Variants in SLC43A2 observed in about 807,000 individuals in gnomAD.
SLC43A2 encodes solute carrier family 43 member 2.
Under a neutral mutation model 63.2 loss-of-function variants are expected in SLC43A2, and 38 were observed. The observed-to-expected ratio is 0.60, with a 90% CI of 0.46 to 0.79. SLC43A2 has a LOEUF of 0.79. Among genes scored for constraint, SLC43A2 ranks in the 30% least tolerant of loss-of-function variants. The pLI, the probability that SLC43A2 is intolerant of heterozygous loss-of-function variation, is 0.00. For missense variants in SLC43A2, 644 were observed against 756.2 expected (o/e 0.85, Z 1.74); for synonymous variants, 322 against 331.0 (o/e 0.97, Z 0.30).
chr17:1,576,104 G>A lies in SLC43A2; in HGVS notation c.1549-339C>T, dbSNP rs1166406534. 4.7e-5 allele frequency among the ~76,000 whole-genome samples: 6 copies of A among 128,502 alleles called. No individual in the cohort carries two copies. The East Asian group carries it at 9.2e-4, about 20-fold the overall frequency. 84.3% of individuals were successfully genotyped at this position (128,502 alleles called of 152,430 possible). ...TTTTTTTTTTTTTTTTTTTTGAGACGAAGTCTCGCGCTGTCGTCATTCAGG... is the reference window on the plus strand; with the variant it reads ...TTTTTTTTTTTTTTTTTTTTGAGACAAAGTCTCGCGCTGTCGTCATTCAGG... On this transcript the variant is annotated intron_variant, in intron 13 of 13. Coordinates refer to ENST00000301335, the MANE Select transcript of SLC43A2 (RefSeq NM_152346.3).
At chr17:1,610,100 T>C (rs1418802802) in intron 5 of SLC43A2, among the ~76,000 whole-genome samples, 1 of 151,516 alleles carries the variant, frequency 6.6e-6, no homozygotes, top group East Asian at 1.9e-4. Flanking sequence ...TTAGTAGAGA[T>C]GGGGTTTCAT....
At chr17:1,609,604 G>A (rs1311115767) in intron 5 of SLC43A2, among the ~76,000 whole-genome samples, 1 of 152,166 alleles carries the variant, frequency 6.6e-6, no homozygotes, top group Non-Finnish European at 1.5e-5. Context: ...AGAAATACAT[G>A]TACAGGGATG....
At chr17:1,612,964 T>C (rs1180722990) in intron 5 of SLC43A2, among the ~76,000 whole-genome samples, 2 of 146,516 alleles carry the variant, frequency 1.4e-5, no homozygotes, top group African/African-American at 2.6e-5. Context: ...AGAGCAAGAC[T>C]CCGTCTCAAA....
At chr17:1,621,796 C>A (rs1211786926) in intron 2 of SLC43A2, among the ~76,000 whole-genome samples, 2 of 152,354 alleles carry the variant, frequency 1.3e-5, no homozygotes, top group Admixed American at 1.3e-4. Context: ...TCCAGGCTGT[C>A]AGACCCCAAA....
chr17:1,583,867 TTTTTGTTTTG>T lies in SLC43A2; in HGVS notation c.1218-541_1218-532del, dbSNP rs1022511452. 6.6e-6 allele frequency among the ~76,000 whole-genome samples: 1 copy of T among 151,938 alleles called. No individual in the cohort carries two copies. Among genetic ancestry groups the T allele is most frequent in the Admixed American group, 6.6e-5 (1 of 15,244 alleles). ...CCTGACCTAGATAGCACAGCACTGT[TTTTTGTTTTG>T]TTTTGTTTTGTTTTTTTGTTCTTTG... On this transcript the variant is annotated intron_variant, in intron 10 of 13. Coordinates refer to ENST00000301335, the MANE Select transcript of SLC43A2 (RefSeq NM_152346.3). This position sits in a 1 kb window ranked among gnomAD's most constrained non-coding sequence, Gnocchi z 5.5.
intron 2 of SLC43A2, among the ~76,000 whole-genome samples, chr17:1,620,499 G>A (rs566116361): frequency 6.6e-6 from 1 of 152,154 alleles, no homozygotes; most frequent in South Asian, 2.1e-4. Context: ...ACCCTGGAGC[G>A]ACTACACACA....
chr17:1,625,788 A>C (rs1481435254), intron 2 of SLC43A2, among the ~76,000 whole-genome samples: 2 of 152,180 alleles, frequency 1.3e-5, no homozygotes, highest in African/African-American at 2.4e-5. Flanking sequence ...GTTGATGTTC[A>C]ACCCACAATC....
chr17:1,580,320 G>A (rs1481307596), intron 11 of SLC43A2, among the ~76,000 whole-genome samples: 1 of 152,202 alleles, frequency 6.6e-6, no homozygotes, highest in African/African-American at 2.4e-5. Context: ...CACGGTGAGT[G>A]CATGTGCACC....
chr17:1,586,927 A>AGGGCCCCCCCCCC, intron 9 of SLC43A2: 1 of 1,355,946 alleles, frequency 7.4e-7, no homozygotes, highest in Non-Finnish European at 1.0e-6. Context: ...TTCCCTGACA[A>AGGGCCCCCCCCCC]TCCCCCCCAC....
At chr17:1,591,981 A>G (rs957657299) in intron 6 of SLC43A2, among the ~76,000 whole-genome samples, 5 of 152,188 alleles carry the variant, frequency 3.3e-5, no homozygotes, top group African/African-American at 9.7e-5. Context: ...CACGTCTTGC[A>G]GGCTCATAGT....
chr17:1,595,205 C>T (rs759188152), intron 5 of SLC43A2, among the ~76,000 whole-genome samples: 131 of 151,664 alleles, frequency 8.6e-4, no homozygotes, highest in Non-Finnish European at 1.4e-3. Context: ...GGCTTGAACC[C>T]GGGAGGCGGA....
In SLC43A2 at chr17:1,578,640, G is replaced by C. The variant is rs1056990012; in HGVS notation, c.1351-317C>G. ...CCTCCTGGATTCAAGCAATTCTCCT[G>C]CCTCAGCCTTCGGAGTAGCTAGGAT... On this transcript the variant is annotated intron_variant, in intron 11 of 13. Coordinates refer to ENST00000301335, the MANE Select transcript of SLC43A2 (RefSeq NM_152346.3). The surrounding 1 kb of genome is among the most constrained non-coding windows in gnomAD (Gnocchi z 6.5). 3.3e-6 allele frequency: 1 copy of C among 304,288 alleles called. No individual in the cohort carries two copies. The highest frequency in any genetic ancestry group is 2.1e-5 in the African/African-American group (1 of 46,630). The allele number at this position is 304,288 out of a possible 1,614,324, so 18.8% of individuals were successfully genotyped here.
intron 2 of SLC43A2, among the ~76,000 whole-genome samples, chr17:1,622,624 G>A (rs1307650872): frequency 7.1e-6 from 1 of 141,586 alleles, no homozygotes; most frequent in South Asian, 2.3e-4. Flanking sequence ...TAAAAAGAGA[G>A]GCCCTTGAGC....
At chr17:1,594,184 C>G (rs532702904) in intron 5 of SLC43A2, among the ~76,000 whole-genome samples, 1 of 152,150 alleles carries the variant, frequency 6.6e-6, no homozygotes, top group African/African-American at 2.4e-5. Context: ...ATGTTCGGCC[C>G]GAGCAGTTAG....
chr17:1,587,089 T>TGCGTTTCCCACACC (rs1555537679), intron 9 of SLC43A2: 6 of 1,010,208 alleles, frequency 5.9e-6, no homozygotes, highest in Non-Finnish European at 7.2e-6. Context: ...TTTCCCACAC[T>TGCGTTTCCCACACC]GCGTTTCCCG....
intron 11 of SLC43A2, among the ~76,000 whole-genome samples, chr17:1,580,812 C>T (rs1322386836): frequency 6.6e-6 from 1 of 151,670 alleles, no homozygotes; most frequent in Non-Finnish European, 1.5e-5. Flanking sequence ...TTCACTGCAG[C>T]CTCAACTTCC....
rs990415436 is a variant in SLC43A2 at position 1,570,299 on chromosome 17, AG to A, written c.*5304del. On this transcript the variant is annotated 3_prime_UTR_variant, in exon 14 of 14. Transcript: ENST00000301335. ...CCCCGCCCCCGCTTCGGCCTCCCAA[AG>A]CACTGGGATTACAGGGATGAGCCAC... The A allele has an allele frequency of 6.6e-6, 1 of 152,010 alleles. No individual in the cohort carries two copies. The highest frequency in any genetic ancestry group is 2.4e-5 in the African/African-American group (1 of 41,316). 9.4% of individuals were successfully genotyped at this position (152,010 alleles called of 1,614,324 possible). A position where few individuals can be genotyped will look rare whatever the true frequency, so the allele number is the denominator to read the frequency against.
At chr17:1,591,512 C>T (rs758070149) in intron 7 of SLC43A2, 41 bp from the exon 8 acceptor site, 77 of 1,611,128 alleles carry the variant, frequency 4.8e-5, no homozygotes, top group Non-Finnish European at 6.1e-5. Flanking sequence ...TGCCCGGGAC[C>T]CCGGCTGGGG....
intron 5 of SLC43A2, among the ~76,000 whole-genome samples, chr17:1,597,213 A>T (rs991943861): frequency 2.8e-5 from 4 of 144,676 alleles, no homozygotes; most frequent in Non-Finnish European, 4.5e-5. Flanking sequence ...ACTACGTTTT[A>T]AAAAAAAGAG....
Sources: gnomAD v4.1 joint callset for allele counts (sites outside exome capture counted in the v4.1 genomes callset) on GRCh38, gnomAD v4.1.1 for gene constraint, Gnocchi (gnomAD v3.1) non-coding constraint, MANE v1.5 for transcripts, NCBI Gene and HGNC (gene_info 2026-07-23, HGNC 2026-07-21) for gene names.